PLCL1: variants seen among roughly 807,000 people sequenced by gnomAD.
PLCL1 encodes the protein inactive phospholipase C-like protein 1.
A neutral mutation model predicts 84.4 loss-of-function variants in PLCL1; 41 were observed. That is an observed-to-expected ratio of 0.49 (90% CI 0.38 to 0.63). The LOEUF is 0.63. Among genes scored for constraint, PLCL1 ranks in the 30% least tolerant of loss-of-function variants. The pLI is 0.00. For synonymous variants in PLCL1, 490 were observed against 488.3 expected (o/e 1.00, Z -0.05); for missense variants, 1,206 against 1,367.8 (o/e 0.88, Z 1.87).
intron 1 of PLCL1, among the ~76,000 whole-genome samples, chr2:197,978,681 A>T (rs1184586017): frequency 1.3e-5 from 2 of 152,230 alleles, no homozygotes; most frequent in African/African-American, 4.8e-5. Flanking sequence ...TCCAAATCAG[A>T]GTTGTGAGTG....
At chr2:198,019,287 T>A (rs1323083028) in intron 1 of PLCL1, among the ~76,000 whole-genome samples, 6 of 152,082 alleles carry the variant, frequency 3.9e-5, no homozygotes, top group African/African-American at 1.4e-4. Flanking sequence ...AAATCCAGCA[T>A]AAAAAGGGTG....
At chr2:197,984,566 C>A (rs1690183292) in intron 1 of PLCL1, among the ~76,000 whole-genome samples, 1 of 151,976 alleles carries the variant, frequency 6.6e-6, no homozygotes. Context: ...TTGGATTTTT[C>A]AATAATGGGT....
Position 198,058,864 on chromosome 2 carries a change from T to C in PLCL1, c.241-24894T>C, listed in dbSNP as rs76200930. 6.0e-3 allele frequency among the ~76,000 whole-genome samples: 908 copies of C among 152,300 alleles called. 9 individuals are homozygous for C. Among genetic ancestry groups the C allele is most frequent in the African/African-American group, 0.021 (871 of 41,556 alleles). ...ATCAGGCTGAAGACAGAATTAAAAT[T>C]ATGCACATTAAATACTCATGCAAAA... On this transcript the variant is annotated intron_variant, in intron 1 of 5. Transcript: ENST00000428675.
intron 1 of PLCL1, among the ~76,000 whole-genome samples, chr2:197,924,296 G>T (rs1397664746): frequency 1.3e-5 from 2 of 152,144 alleles, no homozygotes; most frequent in African/African-American, 2.4e-5. Context: ...CAATGTCTTT[G>T]TTCCTCCTGA....
At chr2:197,907,019 A>G (rs1193166166) in intron 1 of PLCL1, among the ~76,000 whole-genome samples, 1 of 152,118 alleles carries the variant, frequency 6.6e-6, no homozygotes, top group Non-Finnish European at 1.5e-5. Context: ...ACAGAGACAG[A>G]GAGACATGGA....
At chr2:198,089,139 C>T in intron 3 of PLCL1, 78 bp downstream of exon 3, 2 of 1,013,770 alleles carry the variant, frequency 2.0e-6, no homozygotes, top group Non-Finnish European at 3.1e-6. Context: ...CTCTGTGGAA[C>T]TCCAATGAAT....
At chr2:198,109,940 A>C (rs1693574746) in intron 5 of PLCL1, among the ~76,000 whole-genome samples, 1 of 151,454 alleles carries the variant, frequency 6.6e-6, no homozygotes, top group South Asian at 2.1e-4. Context: ...ATAATATTAA[A>C]GAAATATAAT....
chr2:198,078,112 A>C (rs923873800), intron 1 of PLCL1, among the ~76,000 whole-genome samples: 5 of 152,160 alleles, frequency 3.3e-5, no homozygotes, highest in African/African-American at 9.7e-5. Flanking sequence ...CTAATGTACC[A>C]TCTTCAGTTT....
rs1031377693 is a variant in PLCL1, at chr2:197,805,068, T to C, written c.-32T>C. On this transcript the variant is annotated 5_prime_UTR_variant, in exon 1 of 6. Coordinates refer to ENST00000428675, the MANE Select transcript of PLCL1 (RefSeq NM_006226.4). This position sits in a 1 kb window ranked among gnomAD's most constrained non-coding sequence, Gnocchi z 4.0. ...TGGACTCCGCTGCCGGGCGTCCCGC[T>C]TTCCCCCGGGGAGCCCTAAACGCTC... 1.5e-5 allele frequency: 22 copies of C among 1,421,968 alleles called. No homozygotes were observed. The African/African-American group carries it at 2.5e-4, about 16-fold the overall frequency. The allele number at this position is 1,421,968 out of a possible 1,614,324, so 88.1% of individuals were successfully genotyped here.
intron 1 of PLCL1, among the ~76,000 whole-genome samples, chr2:197,988,691 C>T (rs746294364): frequency 6.6e-6 from 1 of 152,138 alleles, no homozygotes; most frequent in Non-Finnish European, 1.5e-5. Flanking sequence ...CATTTGTGTG[C>T]AGCTGTCTTT....
rs189594209 is a variant in PLCL1, at chr2:197,827,369, T to G, written c.240+22030T>G. ...CTGTGTGTATATATGCATATAAATA[T>G]ATATGTGTATATATATATATAGGCA... is the stretch of plus-strand genomic sequence containing the variant. On this transcript the variant is annotated intron_variant, in intron 1 of 5. Coordinates refer to ENST00000428675, the MANE Select transcript of PLCL1 (RefSeq NM_006226.4). Among the ~76,000 whole-genome samples the G allele has an allele frequency of 4.5e-4, 68 of 152,224 alleles. 2 individuals carry two copies. In the South Asian group the frequency reaches 1.0e-2, roughly 22 times the overall value.
chr2:197,872,602 C>T (rs1000413253), intron 1 of PLCL1, among the ~76,000 whole-genome samples: 2 of 152,066 alleles, frequency 1.3e-5, no homozygotes, highest in African/African-American at 4.8e-5. Context: ...TTCATTTTTC[C>T]CATCTGATGA....
intron 1 of PLCL1, among the ~76,000 whole-genome samples, chr2:197,850,031 GACACAC>G (rs5837563): frequency 0.13 from 17,164 of 134,946 alleles, 1,079 homozygotes; most frequent in Middle Eastern, 0.2. Context: ...GACACACACA[GACACAC>G]ACACACACAC....
chr2:197,982,340 C>T (rs933573849), intron 1 of PLCL1, among the ~76,000 whole-genome samples: 8 of 152,202 alleles, frequency 5.3e-5, no homozygotes, highest in African/African-American at 1.9e-4. Context: ...TTATTGATAA[C>T]CAAACACTTT....
At chr2:197,924,765 A>G (rs1275660886) in intron 1 of PLCL1, among the ~76,000 whole-genome samples, 1 of 152,050 alleles carries the variant, frequency 6.6e-6, no homozygotes, top group Non-Finnish European at 1.5e-5. Flanking sequence ...GAACGTATTC[A>G]TTATATTCTG....
chr2:197,995,600 G>A (rs1170542743), intron 1 of PLCL1, among the ~76,000 whole-genome samples: 2 of 152,064 alleles, frequency 1.3e-5, no homozygotes, highest in Non-Finnish European at 2.9e-5. Context: ...ACCCTGGGCG[G>A]AGAGCACAGC....
At chr2:197,826,459 A>G (rs1690930942) in intron 1 of PLCL1, among the ~76,000 whole-genome samples, 1 of 152,162 alleles carries the variant, frequency 6.6e-6, no homozygotes, top group African/African-American at 2.4e-5. Flanking sequence ...CTTTTCTCTT[A>G]CTATTTAATG....
intron 1 of PLCL1, among the ~76,000 whole-genome samples, chr2:197,858,804 G>C (rs1476797563): frequency 2.0e-5 from 3 of 152,096 alleles, no homozygotes; most frequent in Non-Finnish European, 4.4e-5. Flanking sequence ...GGCTCTGCTT[G>C]GTGGTTCTTC....
chr2:198,094,224 G>A (rs539384404), intron 3 of PLCL1, among the ~76,000 whole-genome samples: 2 of 152,150 alleles, frequency 1.3e-5, no homozygotes, highest in South Asian at 2.1e-4. Context: ...ACCATGCCCA[G>A]CTAATTTTTT....
Sources: gnomAD v4.1 joint callset for allele counts (sites outside exome capture counted in the v4.1 genomes callset) on GRCh38, gnomAD v4.1.1 for gene constraint, Gnocchi (gnomAD v3.1) non-coding constraint, MANE v1.5 for transcripts, NCBI Gene and HGNC (gene_info 2026-07-23, HGNC 2026-07-21) for gene names.